Variants in EML6 observed in about 807,000 individuals in gnomAD.
The protein encoded by EML6 is echinoderm microtubule-associated protein-like 6.
A neutral mutation model predicts 240.1 loss-of-function variants in EML6; 154 were observed. The ratio of observed to expected loss-of-function variants is 0.64; its 90% CI spans 0.56 to 0.73. The LOEUF (loss-of-function observed/expected upper bound fraction) is 0.73, where lower values mean the gene tolerates loss of function less well. Ranked by LOEUF, EML6 falls within the 30% of genes least tolerant of loss-of-function variation. EML6 has a pLI of 0.00. For missense variants in EML6, 2,964 were observed against 2,474.6 expected (o/e 1.20, Z -4.20); for synonymous variants, 1,148 against 899.0 (o/e 1.28, Z -4.95).
intron 26 of EML6, among the ~76,000 whole-genome samples, chr2:54,919,289 C>T (rs1674100993): frequency 7.2e-6 from 1 of 138,858 alleles, no homozygotes; most frequent in South Asian, 2.4e-4. Flanking sequence ...TTGTCTTTAG[C>T]ATTCCAGAAA....
intron 10 of EML6, among the ~76,000 whole-genome samples, chr2:54,851,940 A>G (rs921811279): frequency 1.3e-5 from 2 of 152,214 alleles, no homozygotes; most frequent in Non-Finnish European, 2.9e-5. Context: ...CTACATTATC[A>G]TTAGGAAAAC....
At chr2:54,878,308 G>T (rs575759396) in intron 16 of EML6, among the ~76,000 whole-genome samples, 2 of 152,262 alleles carry the variant, frequency 1.3e-5, no homozygotes, top group East Asian at 3.9e-4. Flanking sequence ...ACAGACCTGT[G>T]TTGCTTTATT....
Position 54,894,913 on chromosome 2 carries a change from AG to A in EML6, c.2744del. Reference sequence around the variant, plus strand: ...TAATACCTCTCATGTGTGCCTTCACAGGGCTTTGTAACAGGTGGAAAGGACG... The same window carrying A: ...TAATACCTCTCATGTGTGCCTTCACAGGCTTTGTAACAGGTGGAAAGGACG... On this transcript the variant is annotated splice_acceptor_variant, in intron 19 of 41. Coordinates refer to ENST00000356458, the MANE Select transcript of EML6 (RefSeq NM_001039753.4). LOFTEE classifies it high-confidence loss of function. 1 of 1,549,198 alleles carries A rather than the reference AG, an allele frequency of 6.5e-7. No homozygotes were observed. Among genetic ancestry groups the A allele is most frequent in the South Asian group, 1.2e-5 (1 of 84,010 alleles).
chr2:54,945,216 C>T (rs1356134860), intron 28 of EML6, among the ~76,000 whole-genome samples: 2 of 496 alleles, frequency 4.0e-3, no homozygotes, highest in African/African-American at 0.012. Flanking sequence ...TCTCTCCCTT[C>T]TCTCTCTCCC....
At chr2:54,929,229 C>T (rs910453173) in intron 28 of EML6, among the ~76,000 whole-genome samples, 3 of 152,190 alleles carry the variant, frequency 2.0e-5, no homozygotes, top group Non-Finnish European at 4.4e-5. Context: ...ACTGTGTCTT[C>T]ATTTGCCCAG....
intron 2 of EML6, among the ~76,000 whole-genome samples, chr2:54,810,340 C>A (rs1054867844): frequency 6.6e-6 from 1 of 152,174 alleles, no homozygotes; most frequent in Non-Finnish European, 1.5e-5. Flanking sequence ...GGTAGCACTG[C>A]TTATTGAGTA....
Position 54,725,919 on chromosome 2 carries a change from C to T in EML6, c.197+661C>T, listed in dbSNP as rs1295065415. Among the ~76,000 whole-genome samples the T allele has an allele frequency of 2.0e-5, 3 of 152,206 alleles. No individual in the cohort carries two copies. The highest frequency in any genetic ancestry group is 6.5e-5 in the Admixed American group (1 of 15,288). On this transcript the variant is annotated intron_variant, in intron 2 of 41. Transcript: ENST00000356458. The surrounding 1 kb of genome is among the most constrained non-coding windows in gnomAD (Gnocchi z 4.3). ...CCTACCAGCCAGCCCACACAATGACCAACATCTGCTAGCGGATGGCCCAAG... is the reference window on the plus strand; with the variant it reads ...CCTACCAGCCAGCCCACACAATGACTAACATCTGCTAGCGGATGGCCCAAG...
rs769186892 is a variant in EML6 at position 54,847,521 on chromosome 2, G to A, written c.1085G>A (p.Arg362His). Residue 362 changes from arginine (R) to histidine (H), a missense_variant, in exon 9 of 42, where the codon CGC (arginine) becomes CAC (histidine). Coordinates refer to ENST00000356458, the MANE Select transcript of EML6 (RefSeq NM_001039753.4). ...CTGGCTGATCATGCCTTGATCGCCC[G>A]CTGTAACATGGAAGAGGCGGTTCGC... ...WSLADHALIA[R>H]CNMEEAVRSV... The A allele has an allele frequency of 1.7e-5, 26 of 1,551,854 alleles. No individual in the cohort carries two copies. In the East Asian group the frequency reaches 2.2e-4, roughly 13 times the overall value.
intron 2 of EML6, chr2:54,747,501 T>A (rs2103684413): frequency 6.6e-6 from 1 of 152,302 alleles, no homozygotes; most frequent in South Asian, 2.1e-4. Flanking sequence ...TTTTGTGAAA[T>A]GACTAAAAAC....
chr2:54,961,573 C>T (rs1676516938), intron 35 of EML6, among the ~76,000 whole-genome samples: 1 of 152,060 alleles, frequency 6.6e-6, no homozygotes, highest in Non-Finnish European at 1.5e-5. Flanking sequence ...CTTTGCTCTG[C>T]AGTCACTGGA....
rs143283056 is a variant in EML6, at chr2:54,801,039, G to T, written c.198-12193G>T. Among the ~76,000 whole-genome samples the T allele has an allele frequency of 3.8e-3, 577 of 152,208 alleles. 1 individual carries two copies. Among genetic ancestry groups the T allele is most frequent in the African/African-American group, 0.013 (551 of 41,534 alleles). On this transcript the variant is annotated intron_variant, in intron 2 of 41. Coordinates refer to ENST00000356458, the MANE Select transcript of EML6 (RefSeq NM_001039753.4). ...CTGTTCTTTAAAAGTCGCTCATTGA[G>T]GCCGGGTGCAGTGGCTCACCTCTGT... is the stretch of plus-strand genomic sequence containing the variant.
intron 25 of EML6, among the ~76,000 whole-genome samples, chr2:54,911,929 G>A (rs1019281690): frequency 6.6e-6 from 1 of 152,196 alleles, no homozygotes; most frequent in Non-Finnish European, 1.5e-5. Flanking sequence ...TTTTGTAGAT[G>A]CGTACCTCTT....
chr2:54,734,068 G>A (rs1406618827), intron 2 of EML6, among the ~76,000 whole-genome samples: 1 of 152,200 alleles, frequency 6.6e-6, no homozygotes, highest in African/African-American at 2.4e-5. Flanking sequence ...GCCAGGCACG[G>A]TGGCTCACTT....
chr2:54,899,578 C>G (rs1008712519), intron 21 of EML6, 63 bp from the exon 22 acceptor site: 2 of 1,493,782 alleles, frequency 1.3e-6, no homozygotes, highest in African/African-American at 1.4e-5. Flanking sequence ...TAGCACCAGG[C>G]TAAAGAAGGG....
chr2:54,782,747 C>T (rs1668907110), intron 2 of EML6, among the ~76,000 whole-genome samples: 1 of 149,096 alleles, frequency 6.7e-6, no homozygotes, highest in Admixed American at 6.7e-5. Context: ...ATTCATTGTT[C>T]ATCCCCACCC....
intron 10 of EML6, among the ~76,000 whole-genome samples, chr2:54,850,967 G>A (rs997043675): frequency 1.3e-5 from 2 of 152,168 alleles, no homozygotes; most frequent in African/African-American, 4.8e-5. Flanking sequence ...ACAGTGTATG[G>A]TCATTTATAT....
chr2:54,779,293 C>T (rs1382159867), intron 2 of EML6, among the ~76,000 whole-genome samples: 1 of 151,930 alleles, frequency 6.6e-6, no homozygotes, highest in African/African-American at 2.4e-5. Context: ...AATCCCAGCA[C>T]TTTGGGAGGC....
intron 2 of EML6, among the ~76,000 whole-genome samples, chr2:54,733,904 G>C (rs889578721): frequency 6.6e-6 from 1 of 152,140 alleles, no homozygotes; most frequent in African/African-American, 2.4e-5. Flanking sequence ...AGAATAAATG[G>C]CAACTTTACT....
chr2:54,744,794 T>C (rs905239244), intron 2 of EML6, among the ~76,000 whole-genome samples: 9 of 151,974 alleles, frequency 5.9e-5, no homozygotes, highest in Admixed American at 2.0e-4. Flanking sequence ...AATTTAACTA[T>C]GGACATTAGA....
Sources: allele counts gnomAD v4.1 joint callset (sites outside exome capture counted in the v4.1 genomes callset), GRCh38; gene constraint gnomAD v4.1.1; non-coding constraint Gnocchi (gnomAD v3.1); transcripts MANE v1.5; gene names NCBI Gene and HGNC (gene_info 2026-07-23, HGNC 2026-07-21).